The following BEAN1 variants were observed in gnomAD, a reference collection of about 807,000 sequenced individuals.
BEAN1 encodes the protein protein BEAN1.
In BEAN1, 17 loss-of-function variants were observed where a neutral mutation model predicts 17.7. The observed-to-expected ratio is 0.96, with a 90% CI of 0.66 to 1.44. The LOEUF (loss-of-function observed/expected upper bound fraction) is 1.44, where lower values mean the gene tolerates loss of function less well. Among genes scored for constraint, BEAN1 ranks in the 40% most tolerant of loss-of-function variants. The pLI is 0.00. For synonymous variants in BEAN1, 142 were observed against 151.8 expected (o/e 0.94, Z 0.47); for missense variants, 359 against 374.1 (o/e 0.96, Z 0.33).
At chr16:66,435,544 G>A (rs1203907002) in intron 1 of BEAN1, among the ~76,000 whole-genome samples, 2 of 152,198 alleles carry the variant, frequency 1.3e-5, no homozygotes, top group Non-Finnish European at 2.9e-5. Context: ...CTGGAGTGCA[G>A]TGGCATGATC....
intron 2 of BEAN1, among the ~76,000 whole-genome samples, chr16:66,462,479 G>A (rs1231397260): frequency 6.6e-6 from 1 of 152,180 alleles, no homozygotes; most frequent in African/African-American, 2.4e-5. Context: ...CCAGCACCTG[G>A]CTGGGCGCTG....
rs1021747371 is a variant in BEAN1 at position 66,481,454 on chromosome 16, G to C, written c.*529G>C. 5 of 391,582 alleles carry C rather than the reference G, an allele frequency of 1.3e-5. No individual in the cohort carries two copies. The highest frequency in any genetic ancestry group is 2.2e-5 in the Non-Finnish European group (5 of 222,300). The allele number at this position is 391,582 out of a possible 1,614,324, so 24.3% of individuals were successfully genotyped here. A position where few individuals can be genotyped will look rare whatever the true frequency, so the allele number is the denominator to read the frequency against. On this transcript the variant is annotated 3_prime_UTR_variant, in exon 5 of 5. Coordinates refer to ENST00000536005, the MANE Select transcript of BEAN1 (RefSeq NM_001178020.3). The surrounding 1 kb of genome is among the most constrained non-coding windows in gnomAD (Gnocchi z 4.1). ...GCGGGACAGGCCCCAGTGAGGTTCC[G>C]TTGTGCGCTGTGCCTATCTCTCGAT...
At chr16:66,452,798 A>G (rs1388535885) in intron 2 of BEAN1, among the ~76,000 whole-genome samples, 2 of 152,120 alleles carry the variant, frequency 1.3e-5, no homozygotes, top group African/African-American at 4.8e-5. Flanking sequence ...ACTTACCCCA[A>G]TGCCCAACTG....
At position 66,480,643 on chromosome 16, in the gene BEAN1, A is replaced by G. The variant is rs1597050675; in HGVS notation, c.498A>G (p.Pro166=). 6.4e-7 allele frequency: 1 copy of G among 1,551,420 alleles called. No individual in the cohort carries two copies. Among genetic ancestry groups the G allele is most frequent in the Non-Finnish European group, 8.7e-7 (1 of 1,146,820 alleles). ...ATQLYVPTDA[P]PPYSLTDSCP... ...AGCTGTATGTCCCCACGGACGCACC[A>G]CCACCCTACTCGCTGACTGATTCCT... Residue 166 remains proline, a synonymous_variant, in exon 5 of 5, where the codon CCA becomes CCG. Transcript: ENST00000536005.
downstream of BEAN1, chr16:66,484,309 G>GC: frequency 3.0e-6 from 1 of 332,350 alleles, no homozygotes; most frequent in Non-Finnish European, 5.9e-6. The surrounding 1 kb of genome is among the most constrained non-coding windows in gnomAD (Gnocchi z 4.2). Context: ...GCCATGTGCT[G>GC]CCCCCAACCG....
chr16:66,461,566 G>GGAGACACACA (rs1963082158), intron 2 of BEAN1, among the ~76,000 whole-genome samples: 1 of 72,174 alleles, frequency 1.4e-5, no homozygotes, highest in African/African-American at 3.6e-5. Flanking sequence ...GCAGGCAGGC[G>GGAGACACACA]CAGACACACA....
In BEAN1 at chr16:66,444,272, A is replaced by G. The variant is rs540130774; in HGVS notation, c.25+6571A>G. 9.2e-5 allele frequency among the ~76,000 whole-genome samples: 14 copies of G among 152,066 alleles called. 1 individual carries two copies. In the East Asian group the frequency reaches 2.5e-3, roughly 27 times the overall value. On this transcript the variant is annotated intron_variant, in intron 2 of 4. Coordinates refer to ENST00000536005, the MANE Select transcript of BEAN1 (RefSeq NM_001178020.3). Reference sequence around the variant, plus strand: ...GTTCTCTGAACTTAGATTTTCCCCAATCTGATCCTTCCCTTTCCTCATAGA... The same window carrying G: ...GTTCTCTGAACTTAGATTTTCCCCAGTCTGATCCTTCCCTTTCCTCATAGA...
downstream of BEAN1, chr16:66,484,962 C>T (rs1465714669): frequency 6.6e-6 from 3 of 453,990 alleles, no homozygotes; most frequent in East Asian, 6.9e-5. The surrounding 1 kb of genome is among the most constrained non-coding windows in gnomAD (Gnocchi z 4.2). Flanking sequence ...ACCGTGCTGG[C>T]GATGACGCCA....
At chr16:66,453,342 TAC>T (rs34867737) in intron 2 of BEAN1, among the ~76,000 whole-genome samples, 278 of 147,292 alleles carry the variant, frequency 1.9e-3, no homozygotes, top group Middle Eastern at 0.014. Flanking sequence ...CATTCTGTTA[TAC>T]ACACACACAC....
intron 4 of BEAN1, among the ~76,000 whole-genome samples, chr16:66,489,227 C>G (rs753903440): frequency 1.4e-4 from 21 of 152,014 alleles, no homozygotes; most frequent in Non-Finnish European, 5.9e-5. Context: ...TTTTAAACCA[C>G]TAAACCCGTA....
chr16:66,490,083 C>G (rs1375464501), intron 4 of BEAN1, among the ~76,000 whole-genome samples: 3 of 151,672 alleles, frequency 2.0e-5, no homozygotes, highest in African/African-American at 4.8e-5. Context: ...AAATGACAAT[C>G]AAGACCCAGG....
At chr16:66,490,971 C>T (rs1964168931) in intron 4 of BEAN1, among the ~76,000 whole-genome samples, 1 of 152,214 alleles carries the variant, frequency 6.6e-6, no homozygotes, top group Non-Finnish European at 1.5e-5. Context: ...ATCCATTCCT[C>T]CAAGTGCCCA....
chr16:66,481,349 G>T lies in BEAN1; in HGVS notation c.*424G>T, dbSNP rs8044130. ...GCAAGCTGCGCCCAAATTCTATTCT[G>T]CCTCTGGAAACTGCTGGACCATCCA... is the stretch of plus-strand genomic sequence containing the variant. On this transcript the variant is annotated 3_prime_UTR_variant, in exon 5 of 5. Transcript: ENST00000536005. The surrounding 1 kb of genome is among the most constrained non-coding windows in gnomAD (Gnocchi z 4.1). 12,748 of 399,026 alleles carry T rather than the reference G, an allele frequency of 0.032. 1,411 individuals carry two copies. Among genetic ancestry groups the T allele is most frequent in the African/African-American group, 0.24 (11,482 of 48,700 alleles). The allele number at this position is 399,026 out of a possible 1,614,324, so 24.7% of individuals were successfully genotyped here. A position where few individuals can be genotyped will look rare whatever the true frequency, so the allele number is the denominator to read the frequency against.
chr16:66,481,403 C>G lies in BEAN1; in HGVS notation c.*478C>G. On this transcript the variant is annotated 3_prime_UTR_variant, in exon 5 of 5. Transcript: ENST00000536005. The surrounding 1 kb of genome is among the most constrained non-coding windows in gnomAD (Gnocchi z 4.1). Reference sequence around the variant, plus strand: ...TCAGCTGCCTGCCCTGACCCCTACCCCAGGGCCAGCTTGTCCTCCTGGGAG... The same window carrying G: ...TCAGCTGCCTGCCCTGACCCCTACCGCAGGGCCAGCTTGTCCTCCTGGGAG... 2.5e-6 allele frequency: 1 copy of G among 396,908 alleles called. No individual in the cohort carries two copies. Among genetic ancestry groups the G allele is most frequent in the Non-Finnish European group, 4.4e-6 (1 of 225,546 alleles). The allele number at this position is 396,908 out of a possible 1,614,324, so 24.6% of individuals were successfully genotyped here. A position where few individuals can be genotyped will look rare whatever the true frequency, so the allele number is the denominator to read the frequency against.
At chr16:66,454,031 G>A (rs746320459) in intron 2 of BEAN1, among the ~76,000 whole-genome samples, 20 of 152,150 alleles carry the variant, frequency 1.3e-4, no homozygotes, top group Non-Finnish European at 2.4e-4. Flanking sequence ...CACCACGCCC[G>A]GCCTAATTTC....
At chr16:66,493,639 G>C (rs576899554), downstream of BEAN1, 4 of 487,042 alleles carry the variant, frequency 8.2e-6, no homozygotes, top group Non-Finnish European at 1.1e-5. Flanking sequence ...GGTGCAGCAG[G>C]GGGCAGCCCC....
intron 3 of BEAN1, chr16:66,475,669 A>C (rs1963707247): frequency 6.6e-6 from 1 of 152,242 alleles, no homozygotes; most frequent in Non-Finnish European, 1.5e-5. Flanking sequence ...TCTGTCTCTC[A>C]GCTGGTGCCC....
chr16:66,493,957 G>A (rs1042110737), downstream of BEAN1, among the ~76,000 whole-genome samples: 3 of 152,152 alleles, frequency 2.0e-5, no homozygotes, highest in Non-Finnish European at 2.9e-5. Context: ...TGGTGATGAC[G>A]GCAGCCCAGA....
At chr16:66,486,213 C>T (rs559944761), downstream of BEAN1, among the ~76,000 whole-genome samples, 3 of 152,086 alleles carry the variant, frequency 2.0e-5, no homozygotes, top group Non-Finnish European at 2.9e-5. Context: ...ATTAGGGTCT[C>T]TGTTGTTTGT....
Sources: allele counts gnomAD v4.1 joint callset (sites outside exome capture counted in the v4.1 genomes callset), GRCh38; gene constraint gnomAD v4.1.1; non-coding constraint Gnocchi (gnomAD v3.1); transcripts MANE v1.5; gene names NCBI Gene and HGNC (gene_info 2026-07-23, HGNC 2026-07-21).